SEPTIN9: variants seen among roughly 807,000 people sequenced by gnomAD.
SEPTIN9 encodes septin-9.
In SEPTIN9, 13 loss-of-function variants were observed where a neutral mutation model predicts 56.6. The ratio of observed to expected loss-of-function variants is 0.23; its 90% CI spans 0.15 to 0.37. The LOEUF is 0.37. Ranked by LOEUF, SEPTIN9 falls within the 10% of genes least tolerant of loss-of-function variation. The probability of loss-of-function intolerance (pLI) is 1.00; values close to 1 mark genes in which losing one functional copy is unlikely to be tolerated. For synonymous variants in SEPTIN9, 332 were observed against 334.1 expected (o/e 0.99, Z 0.07); for missense variants, 650 against 823.1 (o/e 0.79, Z 2.57).
chr17:77,325,579 G>A (rs1202662133), intron 2 of SEPTIN9, among the ~76,000 whole-genome samples: 1 of 152,190 alleles, frequency 6.6e-6, no homozygotes, highest in African/African-American at 2.4e-5. Flanking sequence ...CCTGAGGCCT[G>A]CCCTGCGGAC....
chr17:77,396,173 G>A, intron 2 of SEPTIN9, among the ~76,000 whole-genome samples: 1 of 152,156 alleles, frequency 6.6e-6, no homozygotes, highest in East Asian at 1.9e-4. Flanking sequence ...ACCTTCCAGT[G>A]ACAGCATGGG....
chr17:77,461,365 G>T (rs767250373), intron 3 of SEPTIN9, among the ~76,000 whole-genome samples: 2 of 152,126 alleles, frequency 1.3e-5, no homozygotes, highest in African/African-American at 2.4e-5. Context: ...TGTGTCCATT[G>T]GCTGGTGTGA....
intron 1 of SEPTIN9, among the ~76,000 whole-genome samples, chr17:77,290,652 A>G (rs565648689): frequency 2.0e-5 from 3 of 151,240 alleles, no homozygotes; most frequent in East Asian, 2.0e-4. Flanking sequence ...CGTCTCTACT[A>G]AAAATACAAA....
At chr17:77,465,161 G>A (rs2038659735) in intron 3 of SEPTIN9, among the ~76,000 whole-genome samples, 1 of 152,212 alleles carries the variant, frequency 6.6e-6, no homozygotes, top group Admixed American at 6.5e-5. Context: ...CATTGTAGCA[G>A]GTGCTGGTGC....
At chr17:77,364,125 G>C (rs1568015370) in intron 2 of SEPTIN9, among the ~76,000 whole-genome samples, 1 of 152,164 alleles carries the variant, frequency 6.6e-6, no homozygotes, top group Non-Finnish European at 1.5e-5. Context: ...AGACACTCAG[G>C]GTGGGGAAGA....
intron 2 of SEPTIN9, among the ~76,000 whole-genome samples, chr17:77,338,304 G>A (rs879541281): frequency 1.5e-4 from 22 of 150,336 alleles, no homozygotes; most frequent in Non-Finnish European, 2.8e-4. Context: ...TGAGCCTTCA[G>A]CAAGCCATAA....
At chr17:77,484,865 G>A (rs1478360622) in intron 4 of SEPTIN9, among the ~76,000 whole-genome samples, 22 of 141,766 alleles carry the variant, frequency 1.6e-4, no homozygotes, top group African/African-American at 5.5e-4. Flanking sequence ...GTGGGTGGTG[G>A]TGATTGTGAT....
At chr17:77,307,337 G>T (rs1009753719) in intron 2 of SEPTIN9, 140 bp downstream of exon 2, 7 of 818,288 alleles carry the variant, frequency 8.6e-6, no homozygotes, top group Non-Finnish European at 1.4e-5. Context: ...CCAGGGAGAC[G>T]CAGTCTTTGA....
intron 3 of SEPTIN9, among the ~76,000 whole-genome samples, chr17:77,466,058 ACACAC>A (rs1568092498): frequency 2.5e-4 from 4 of 16,258 alleles, no homozygotes; most frequent in Non-Finnish European, 3.9e-4. Context: ...GGACTGTCAC[ACACAC>A]ACACACACAC....
rs185623341 is a variant in SEPTIN9, at chr17:77,458,452, C to T, written c.722-23692C>T. On this transcript the variant is annotated intron_variant, in intron 3 of 11. Coordinates refer to ENST00000427177, the MANE Select transcript of SEPTIN9 (RefSeq NM_001113491.2). ...GAGGTCTGCAGACAGGGAGGAGCCCCACTCGAGGGTAGAGTGACTGCCGGG... is the reference window on the plus strand; with the variant it reads ...GAGGTCTGCAGACAGGGAGGAGCCCTACTCGAGGGTAGAGTGACTGCCGGG... Among the ~76,000 whole-genome samples the T allele has an allele frequency of 3.3e-5, 5 of 152,348 alleles. No homozygotes were observed. In the East Asian group the frequency reaches 9.6e-4, roughly 29 times the overall value.
chr17:77,488,202 C>T (rs746898228), intron 5 of SEPTIN9, 38 bp from the exon 6 acceptor site: 30 of 1,598,260 alleles, frequency 1.9e-5, no homozygotes, highest in African/African-American at 2.7e-5. Context: ...GAGGGTCTTC[C>T]GTCTCCCCTC....
At chr17:77,357,769 C>A (rs1458757556) in intron 2 of SEPTIN9, among the ~76,000 whole-genome samples, 1 of 152,154 alleles carries the variant, frequency 6.6e-6, no homozygotes, top group Non-Finnish European at 1.5e-5. Context: ...CATCCACCAC[C>A]ACACCCAGCT....
intron 3 of SEPTIN9, among the ~76,000 whole-genome samples, chr17:77,471,895 C>G (rs1360043478): frequency 1.3e-5 from 2 of 152,110 alleles, no homozygotes; most frequent in African/African-American, 4.8e-5. Context: ...CTGACCCTCC[C>G]TCTGCAGTGG....
At chr17:77,350,358 C>T (rs938118933) in intron 2 of SEPTIN9, among the ~76,000 whole-genome samples, 3 of 152,216 alleles carry the variant, frequency 2.0e-5, no homozygotes, top group African/African-American at 7.2e-5. Context: ...TGTTCTTGTG[C>T]TTCCAGGGAT....
intron 2 of SEPTIN9, among the ~76,000 whole-genome samples, chr17:77,357,032 G>A (rs1598246227): frequency 6.6e-6 from 1 of 151,710 alleles, no homozygotes; most frequent in Non-Finnish European, 1.5e-5. Context: ...CAACCTGGTG[G>A]CTGGGCTGTG....
intron 2 of SEPTIN9, among the ~76,000 whole-genome samples, chr17:77,372,936 T>C (rs956686971): frequency 1.3e-5 from 2 of 152,162 alleles, no homozygotes; most frequent in Non-Finnish European, 2.9e-5. Context: ...TTTGTTTGGC[T>C]GCCCAAATAC....
chr17:77,347,239 G>A (rs1463383007), intron 2 of SEPTIN9, among the ~76,000 whole-genome samples: 7 of 151,924 alleles, frequency 4.6e-5, no homozygotes, highest in East Asian at 3.9e-4. Flanking sequence ...TTAGCTGGGC[G>A]TGGTGGCAGG....
chr17:77,293,545 C>T (rs2031667880), intron 1 of SEPTIN9, among the ~76,000 whole-genome samples: 1 of 152,124 alleles, frequency 6.6e-6, no homozygotes, highest in African/African-American at 2.4e-5. Flanking sequence ...AGACAGGGAA[C>T]AGAGAGGCAA....
At chr17:77,391,487 A>G (rs942767196) in intron 2 of SEPTIN9, among the ~76,000 whole-genome samples, 1 of 152,136 alleles carries the variant, frequency 6.6e-6, no homozygotes, top group Non-Finnish European at 1.5e-5. Context: ...TGTCTTTTAT[A>G]AAGATGCTCA....
Sources: gnomAD v4.1 joint callset for allele counts (sites outside exome capture counted in the v4.1 genomes callset) on GRCh38, gnomAD v4.1.1 for gene constraint, MANE v1.5 for transcripts, NCBI Gene and HGNC (gene_info 2026-07-23, HGNC 2026-07-21) for gene names.